PID1: variants seen among roughly 807,000 people sequenced by gnomAD.
PID1 encodes the protein phosphotyrosine interaction domain containing 1, also known as PTB-containing, cubilin and LRP1-interacting protein.
Under a neutral mutation model 19.1 loss-of-function variants are expected in PID1, and 10 were observed. The observed-to-expected ratio is 0.52, with a 90% CI of 0.32 to 0.89. The LOEUF is 0.89. Among genes scored for constraint, PID1 ranks in the 40% least tolerant of loss-of-function variants. PID1 has a pLI of 0.03. For synonymous variants in PID1, 130 were observed against 116.0 expected (o/e 1.12, Z -0.78); for missense variants, 248 against 285.3 (o/e 0.87, Z 0.94).
chr2:229,103,645 T>C (rs530998304), intron 2 of PID1, among the ~76,000 whole-genome samples: 1 of 150,788 alleles, frequency 6.6e-6, no homozygotes, highest in Admixed American at 6.6e-5. Context: ...CGGTGTGATC[T>C]TGGCTCACTG....
chr2:229,143,137 A>G (rs1690053178), intron 2 of PID1, among the ~76,000 whole-genome samples: 1 of 146,468 alleles, frequency 6.8e-6, no homozygotes, highest in Non-Finnish European at 1.5e-5. Context: ...ATAGGTGGGA[A>G]TTGAACAATG....
chr2:229,109,335 T>G (rs946806320), intron 2 of PID1, among the ~76,000 whole-genome samples: 1 of 152,086 alleles, frequency 6.6e-6, no homozygotes, highest in East Asian at 1.9e-4. Context: ...TCTGTGTTCA[T>G]GGCAAGGAGT....
At chr2:229,267,274 T>C (rs944469316) in intron 1 of PID1, among the ~76,000 whole-genome samples, 6 of 152,192 alleles carry the variant, frequency 3.9e-5, no homozygotes, top group South Asian at 2.1e-4. Flanking sequence ...TACACAGACA[T>C]TGGCCACAAC....
At chr2:229,269,799 G>C (rs1381487749) in intron 1 of PID1, among the ~76,000 whole-genome samples, 2 of 152,172 alleles carry the variant, frequency 1.3e-5, no homozygotes, top group Non-Finnish European at 2.9e-5. Flanking sequence ...AGGTTTTCTT[G>C]TTTATTCTAC....
intron 1 of PID1, among the ~76,000 whole-genome samples, chr2:229,203,518 C>T (rs1278669120): frequency 6.6e-6 from 1 of 151,984 alleles, no homozygotes; most frequent in African/African-American, 2.4e-5. Context: ...TCCAAGAATC[C>T]ATTGACAATG....
At chr2:229,198,342 T>C (rs984225376) in intron 1 of PID1, among the ~76,000 whole-genome samples, 4 of 152,052 alleles carry the variant, frequency 2.6e-5, no homozygotes, top group African/African-American at 7.2e-5. Context: ...GTTGATACGA[T>C]AGTCCACATT....
At chr2:229,188,944 C>A (rs1691195965) in intron 1 of PID1, among the ~76,000 whole-genome samples, 1 of 152,042 alleles carries the variant, frequency 6.6e-6, no homozygotes, top group Non-Finnish European at 1.5e-5. Flanking sequence ...TTAAATTTTT[C>A]TCAATGACAA....
intron 2 of PID1, among the ~76,000 whole-genome samples, chr2:229,032,087 C>T (rs931352991): frequency 6.6e-6 from 1 of 152,192 alleles, no homozygotes; most frequent in South Asian, 2.1e-4. Flanking sequence ...CAGTTATGCT[C>T]TGCATGCAAC....
intron 1 of PID1, among the ~76,000 whole-genome samples, chr2:229,247,728 C>T (rs953816481): frequency 1.7e-4 from 26 of 152,314 alleles, no homozygotes; most frequent in East Asian, 3.9e-4. Context: ...ACAGACACTT[C>T]AGTGACCACC....
chr2:229,138,945 G>A, intron 2 of PID1, among the ~76,000 whole-genome samples: 1 of 146,456 alleles, frequency 6.8e-6, no homozygotes, highest in East Asian at 2.0e-4. Flanking sequence ...GAGAAAAGGG[G>A]TACTGAAGAA....
At chr2:229,134,840 G>T (rs1249844306) in intron 2 of PID1, among the ~76,000 whole-genome samples, 1 of 152,232 alleles carries the variant, frequency 6.6e-6, no homozygotes, top group Admixed American at 6.5e-5. Flanking sequence ...GATCTCTTAT[G>T]TCAATATATT....
chr2:229,163,971 A>G (rs1443565073), intron 1 of PID1, among the ~76,000 whole-genome samples: 1 of 152,204 alleles, frequency 6.6e-6, no homozygotes, highest in Non-Finnish European at 1.5e-5. Context: ...AGATACATAC[A>G]TAGCTGAAAT....
intron 2 of PID1, among the ~76,000 whole-genome samples, chr2:229,129,408 C>T (rs2021376): frequency 0.57 from 77,312 of 136,318 alleles, 21,291 homozygotes; most frequent in Admixed American, 0.67. Context: ...AGCAAGACTC[C>T]ATCTCAAAAA....
In PID1 at chr2:229,271,165, C is replaced by T; in HGVS notation, c.-122G>A. 1 of 1,120,454 alleles carries T rather than the reference C, an allele frequency of 8.9e-7. No homozygotes were observed. Among genetic ancestry groups the T allele is most frequent in the South Asian group, 1.5e-5 (1 of 65,690 alleles). 69.4% of individuals were successfully genotyped at this position (1,120,454 alleles called of 1,614,324 possible). A position where few individuals can be genotyped will look rare whatever the true frequency, so the allele number is the denominator to read the frequency against. ...TGTCCGCGGGATGTGCGTCCTGGCGCTGGCCACCGCCGCCGGGTGGGCGTA... is the reference window on the plus strand; with the variant it reads ...TGTCCGCGGGATGTGCGTCCTGGCGTTGGCCACCGCCGCCGGGTGGGCGTA... On this transcript the variant is annotated 5_prime_UTR_variant, in exon 1 of 3. Transcript: ENST00000392055.
intron 1 of PID1, among the ~76,000 whole-genome samples, chr2:229,190,265 AC>A (rs1691227962): frequency 6.6e-6 from 1 of 152,258 alleles, no homozygotes; most frequent in African/African-American, 2.4e-5. Flanking sequence ...ATACAGCTAT[AC>A]AAAAATTGTG....
At chr2:229,055,181 G>T (rs1038011668) in intron 2 of PID1, among the ~76,000 whole-genome samples, 2 of 152,176 alleles carry the variant, frequency 1.3e-5, no homozygotes, top group African/African-American at 4.8e-5. Flanking sequence ...GGTGAAACAT[G>T]CATGGGTGCC....
At chr2:229,185,496 A>G (rs1363948079) in intron 1 of PID1, among the ~76,000 whole-genome samples, 1 of 152,170 alleles carries the variant, frequency 6.6e-6, no homozygotes, top group Non-Finnish European at 1.5e-5. Flanking sequence ...AAGAGTTTTA[A>G]TTGGGCTTAC....
At chr2:229,185,050 CAT>C (rs1156576396) in intron 1 of PID1, among the ~76,000 whole-genome samples, 22 of 144,140 alleles carry the variant, frequency 1.5e-4, no homozygotes, top group Admixed American at 1.1e-3. Flanking sequence ...ATATATGCTA[CAT>C]ATATATATCC....
At chr2:229,153,382 C>T (rs1313289203) in intron 2 of PID1, among the ~76,000 whole-genome samples, 29 of 152,170 alleles carry the variant, frequency 1.9e-4, no homozygotes. Context: ...ATTATCTATG[C>T]CTGGAATCGC....
Sources: allele counts gnomAD v4.1 joint callset (sites outside exome capture counted in the v4.1 genomes callset), GRCh38; gene constraint gnomAD v4.1.1; transcripts MANE v1.5; gene names NCBI Gene and HGNC (gene_info 2026-07-23, HGNC 2026-07-21).